GRM8: variants seen among roughly 807,000 people sequenced by gnomAD.
The protein encoded by GRM8 is glutamate metabotropic receptor 8.
Under a neutral mutation model 87.2 loss-of-function variants are expected in GRM8, and 47 were observed. The observed-to-expected ratio is 0.54, with a 90% CI of 0.43 to 0.69. GRM8 has a LOEUF of 0.69. GRM8 is among the 30% of genes least tolerant of loss of function. The probability of loss-of-function intolerance (pLI) is 0.00; values close to 1 mark genes in which losing one functional copy is unlikely to be tolerated. For missense variants in GRM8, 1,019 were observed against 1,139.2 expected (o/e 0.89, Z 1.52); for synonymous variants, 396 against 404.5 (o/e 0.98, Z 0.25).
intron 6 of GRM8, among the ~76,000 whole-genome samples, chr7:126,828,913 G>A (rs576363973): frequency 1.6e-3 from 245 of 152,090 alleles, no homozygotes; most frequent in African/African-American, 5.1e-3. Flanking sequence ...CTTTGTTCTC[G>A]TTGGTTTCAA....
chr7:127,121,959 T>G (rs1326824351), intron 2 of GRM8, among the ~76,000 whole-genome samples: 2 of 152,172 alleles, frequency 1.3e-5, no homozygotes, highest in Admixed American at 1.3e-4. Context: ...TGAATATGAT[T>G]GAATTGTTGA....
chr7:126,711,082 T>G (rs1418349585), intron 7 of GRM8, among the ~76,000 whole-genome samples: 1 of 152,102 alleles, frequency 6.6e-6, no homozygotes. Flanking sequence ...GGCTGAGGCA[T>G]GAGAATCGCT....
chr7:126,858,993 CCA>C (rs988540318), intron 6 of GRM8, among the ~76,000 whole-genome samples: 1 of 152,022 alleles, frequency 6.6e-6, no homozygotes, highest in Non-Finnish European at 1.5e-5. Flanking sequence ...ACCCCCCACC[CCA>C]CACACACCAC....
intron 7 of GRM8, among the ~76,000 whole-genome samples, chr7:126,666,958 C>T (rs1003348261): frequency 1.3e-5 from 2 of 152,088 alleles, no homozygotes; most frequent in African/African-American, 4.8e-5. Context: ...ACCAGTGTAT[C>T]TCTGTATTGC....
chr7:127,160,072 T>C (rs1295650562), intron 2 of GRM8, among the ~76,000 whole-genome samples: 1 of 152,062 alleles, frequency 6.6e-6, no homozygotes, highest in Admixed American at 6.5e-5. Flanking sequence ...AACTAGAAAA[T>C]GGTATTTTAA....
At chr7:126,666,835 TTATC>T (rs909831107) in intron 7 of GRM8, among the ~76,000 whole-genome samples, 17 of 152,224 alleles carry the variant, frequency 1.1e-4, no homozygotes, top group Non-Finnish European at 1.9e-4. Flanking sequence ...TCTATGCTCT[TTATC>T]TATTTCAACT....
At chr7:126,843,253 C>T (rs1303892992) in intron 6 of GRM8, among the ~76,000 whole-genome samples, 1 of 151,652 alleles carries the variant, frequency 6.6e-6, no homozygotes, top group African/African-American at 2.4e-5. Flanking sequence ...GTGCCTAGTA[C>T]ATGGTAGAAG....
At chr7:126,842,077 G>A (rs78163529) in intron 6 of GRM8, among the ~76,000 whole-genome samples, 2,102 of 152,254 alleles carry the variant, frequency 0.014, 53 homozygotes, top group African/African-American at 0.048. Context: ...GCCAGAGAAA[G>A]AACACAATAA....
intron 3 of GRM8, among the ~76,000 whole-genome samples, chr7:126,908,260 G>GA (rs1586415131): frequency 6.6e-6 from 1 of 152,016 alleles, no homozygotes; most frequent in South Asian, 2.1e-4. Context: ...ATAGAACTCT[G>GA]AAAAAAATCA....
chr7:126,902,831 G>A (rs181538147), intron 5 of GRM8, 152 bp from the exon 6 acceptor site: 11 of 540,208 alleles, frequency 2.0e-5, no homozygotes, highest in East Asian at 1.3e-4. Context: ...CATAAATAAG[G>A]CCTCTCTTAT....
At chr7:126,794,983 G>A (rs917652206) in intron 6 of GRM8, among the ~76,000 whole-genome samples, 4 of 152,064 alleles carry the variant, frequency 2.6e-5, no homozygotes, top group African/African-American at 7.3e-5. Flanking sequence ...AGAATCTATC[G>A]GCCATGGGCA....
chr7:127,121,934 G>A (rs1827113206), intron 2 of GRM8, among the ~76,000 whole-genome samples: 1 of 152,152 alleles, frequency 6.6e-6, no homozygotes, highest in African/African-American at 2.4e-5. Context: ...GCAACTGAAG[G>A]CTAGGTCTCC....
At chr7:126,782,385 T>C (rs950131626) in intron 6 of GRM8, among the ~76,000 whole-genome samples, 2 of 152,202 alleles carry the variant, frequency 1.3e-5, no homozygotes, top group Admixed American at 6.6e-5. Context: ...ATTCCATGAC[T>C]CTTGTTTTAT....
chr7:126,826,018 A>G (rs1024471946), intron 6 of GRM8, among the ~76,000 whole-genome samples: 2 of 151,936 alleles, frequency 1.3e-5, no homozygotes. Context: ...ATGATTTCCA[A>G]TTTCATCCAT....
At chr7:127,198,903 C>T (rs190014969) in intron 2 of GRM8, among the ~76,000 whole-genome samples, 50 of 149,974 alleles carry the variant, frequency 3.3e-4, no homozygotes, top group African/African-American at 1.2e-3. Flanking sequence ...TGCAATGGCG[C>T]AATCTCGGCT....
intron 8 of GRM8, among the ~76,000 whole-genome samples, chr7:126,545,695 G>T (rs748657607): frequency 4.6e-5 from 7 of 152,052 alleles, no homozygotes; most frequent in Non-Finnish European, 1.0e-4. Flanking sequence ...TATATGGTCA[G>T]TACTTTATAA....
At chr7:126,869,498 T>C (rs1002980678) in intron 6 of GRM8, 17 of 152,328 alleles carry the variant, frequency 1.1e-4, no homozygotes, top group African/African-American at 4.1e-4. Context: ...AATATACTTT[T>C]GTAATAATCA....
At chr7:126,488,904 G>A (rs1584792475) in intron 9 of GRM8, among the ~76,000 whole-genome samples, 3 of 151,790 alleles carry the variant, frequency 2.0e-5, no homozygotes, top group East Asian at 1.9e-4. Flanking sequence ...TGTATTTGTA[G>A]GGAAAACATT....
At chr7:127,160,030 G>A (rs1001328277) in intron 2 of GRM8, among the ~76,000 whole-genome samples, 2 of 152,042 alleles carry the variant, frequency 1.3e-5, no homozygotes, top group African/African-American at 4.8e-5. Context: ...TTAATAGAGA[G>A]GTTTTATAAA....
Sources: gnomAD v4.1 joint callset for allele counts (sites outside exome capture counted in the v4.1 genomes callset) on GRCh38, gnomAD v4.1.1 for gene constraint, MANE v1.5 for transcripts, NCBI Gene and HGNC (gene_info 2026-07-23, HGNC 2026-07-21) for gene names.